The following RASL11B variants were observed in gnomAD, a reference collection of about 807,000 sequenced individuals.
RASL11B encodes the protein ras-like protein family member 11B.
Under a neutral mutation model 22.9 loss-of-function variants are expected in RASL11B, and 14 were observed. That is an observed-to-expected ratio of 0.61 (90% CI 0.40 to 0.96). The LOEUF is 0.96. RASL11B is among the 40% of genes least tolerant of loss of function. The pLI, the probability that RASL11B is intolerant of heterozygous loss-of-function variation, is 0.00. For missense variants in RASL11B, 261 were observed against 322.0 expected, an observed-to-expected ratio of 0.81 and a Z score of 1.45; for synonymous variants, 143 against 130.2, an observed-to-expected ratio of 1.10 and a Z score of -0.67.
In RASL11B at chr4:52,865,830, T is replaced by G; in HGVS notation, c.*25T>G. ...AAGCAGGAGGAGCACTCAAGGGGGT[T>G]TGGTCTTCCCAGGAAGAGGGCCTGA... is the stretch of plus-strand genomic sequence containing the variant. On this transcript the variant is annotated 3_prime_UTR_variant, in exon 4 of 4. Coordinates refer to ENST00000248706, the MANE Select transcript of RASL11B (RefSeq NM_023940.3). The G allele has an allele frequency of 2.3e-4, 365 of 1,568,422 alleles. No homozygotes were observed. Among genetic ancestry groups the G allele is most frequent in the Non-Finnish European group, 2.8e-4 (325 of 1,142,154 alleles).
rs774450025 is a variant in RASL11B at position 52,862,340 on chromosome 4, C to T, written c.-168C>T. On this transcript the variant is annotated 5_prime_UTR_variant, in exon 1 of 4. Coordinates refer to ENST00000248706, the MANE Select transcript of RASL11B (RefSeq NM_023940.3). Reference sequence around the variant, plus strand: ...GCAGTCTGGGTCTGGAGCCTGAGCCCTGCGGAACCTCGGCGCTCGGCCCCA... The same window carrying T: ...GCAGTCTGGGTCTGGAGCCTGAGCCTTGCGGAACCTCGGCGCTCGGCCCCA... The T allele has an allele frequency of 9.7e-5, 65 of 673,266 alleles. No individual in the cohort carries two copies. The highest frequency in any genetic ancestry group is 2.4e-4 in the East Asian group (7 of 29,144). 41.7% of individuals were successfully genotyped at this position (673,266 alleles called of 1,614,324 possible).
intron 2 of RASL11B, 77 bp from the exon 3 acceptor site, chr4:52,864,401 T>C: frequency 1.1e-6 from 1 of 923,454 alleles, no homozygotes; most frequent in Non-Finnish European, 1.8e-6. Flanking sequence ...GTGCATTTTT[T>C]TTCTAGCTTA....
chr4:52,864,223 A>C, intron 2 of RASL11B: 1 of 371,942 alleles, frequency 2.7e-6, no homozygotes, highest in South Asian at 4.5e-5. Context: ...CTAAAAATGG[A>C]AACTTTGTTT....
chr4:52,862,708 G>A, intron 1 of RASL11B, 59 bp downstream of exon 1: 1 of 1,473,854 alleles, frequency 6.8e-7, no homozygotes, highest in Non-Finnish European at 8.9e-7. Context: ...GGGAGTTGAG[G>A]CTGAACAAGG....
rs752317032 is a variant in RASL11B, at chr4:52,862,557, G to A, written c.50G>A (p.Gly17Asp). Reference sequence around the variant, plus strand: ...ACCATCGCCGAGTACCCCGCGCCGGGCAACGCCGCGGCCTCCGACTGCTGT... The same window carrying A: ...ACCATCGCCGAGTACCCCGCGCCGGACAACGCCGCGGCCTCCGACTGCTGT... ...MCTIAEYPAP[G>D]NAAASDCCVG... Residue 17 changes from glycine (G) to aspartate (D), a missense_variant, in exon 1 of 4, where the codon GGC becomes GAC. Transcript: ENST00000248706. 9 of 1,605,188 alleles carry A rather than the reference G, an allele frequency of 5.6e-6. No homozygotes were observed. The highest frequency in any genetic ancestry group is 7.6e-6 in the Non-Finnish European group (9 of 1,177,320).
At position 52,865,984 on chromosome 4, in the gene RASL11B, A is replaced by G. The variant is rs556863294; in HGVS notation, c.*179A>G. On this transcript the variant is annotated 3_prime_UTR_variant, in exon 4 of 4. Coordinates refer to ENST00000248706, the MANE Select transcript of RASL11B (RefSeq NM_023940.3). Reference sequence around the variant, plus strand: ...GAAGTGTTGTTCTGAGCAGGGGGACAGGATTGATGAGGCTTGAAAGAGCCC... The same window carrying G: ...GAAGTGTTGTTCTGAGCAGGGGGACGGGATTGATGAGGCTTGAAAGAGCCC... 5 of 602,420 alleles carry G rather than the reference A, an allele frequency of 8.3e-6. No individual in the cohort carries two copies. The highest frequency in any genetic ancestry group is 1.9e-5 in the African/African-American group (1 of 53,908). 37.3% of individuals were successfully genotyped at this position (602,420 alleles called of 1,614,324 possible).
chr4:52,862,653 AGTC>A lies in RASL11B; in HGVS notation c.142+9_142+11del. 1 of 1,563,312 alleles carries A rather than the reference AGTC, an allele frequency of 6.4e-7. No homozygotes were observed. On this transcript the variant is annotated splice_donor_5th_base_variant and intron_variant, in intron 1 of 3. Transcript: ENST00000248706. The stretch of plus-strand genomic sequence containing the variant: ...GCCAGCGGCGTGGGCAAGACCGGTG[AGTC>A]GTCGCGCTTAGCCCTGGGTCTGGTC...
chr4:52,863,582 C>T, intron 2 of RASL11B: 1 of 482,110 alleles, frequency 2.1e-6, no homozygotes, highest in Non-Finnish European at 3.8e-6. Context: ...ACTATAGTGA[C>T]CCCAGTTGGA....
rs1718225564 is a variant in RASL11B, at chr4:52,864,665, AT to A, written c.276+112del. 4 of 768,496 alleles carry A rather than the reference AT, an allele frequency of 5.2e-6. No individual in the cohort carries two copies. The East Asian group carries it at 9.8e-5, about 19-fold the overall frequency. 47.6% of individuals were successfully genotyped at this position (768,496 alleles called of 1,614,324 possible). On this transcript the variant is annotated intron_variant, in intron 3 of 3. Coordinates refer to ENST00000248706, the MANE Select transcript of RASL11B (RefSeq NM_023940.3). Reference sequence around the variant, plus strand: ...GGATCAGAGAAATTTGGGGAGTCACATCTAGACTTTTACATGTCTGACAATT... The same window carrying A: ...GGATCAGAGAAATTTGGGGAGTCACACTAGACTTTTACATGTCTGACAATT...
chr4:52,865,383 C>CA lies in RASL11B; in HGVS notation c.325_326insA (p.Arg109GlnfsTer14), dbSNP rs776016693. 7.4e-6 allele frequency: 12 copies of CA among 1,613,992 alleles called. No individual in the cohort carries two copies. The highest frequency in any genetic ancestry group is 1.0e-5 in the Non-Finnish European group (12 of 1,180,000). On this transcript the variant is annotated frameshift_variant, in exon 4 of 4. Transcript: ENST00000248706. LOFTEE classifies it high-confidence loss of function. ...CAGTGAACAGCTGAATAGGTGCATT[C>CA]GCTGGGCAGATGCTGTGGTGATCGT...
At chr4:52,864,457 C>A in intron 2 of RASL11B, 21 bp from the exon 3 acceptor site, 3 of 1,457,794 alleles carry the variant, frequency 2.1e-6, no homozygotes, top group Non-Finnish European at 2.9e-6. Context: ...AGAACATAAT[C>A]TCTTTTATTT....
At position 52,862,342 on chromosome 4, in the gene RASL11B, G is replaced by T. The variant is rs1718170142; in HGVS notation, c.-166G>T. On this transcript the variant is annotated 5_prime_UTR_variant, in exon 1 of 4. Coordinates refer to ENST00000248706, the MANE Select transcript of RASL11B (RefSeq NM_023940.3). ...AGTCTGGGTCTGGAGCCTGAGCCCT[G>T]CGGAACCTCGGCGCTCGGCCCCACC... is the stretch of plus-strand genomic sequence containing the variant. 2 of 682,726 alleles carry T rather than the reference G, an allele frequency of 2.9e-6. No homozygotes were observed. Among genetic ancestry groups the T allele is most frequent in the Non-Finnish European group, 4.5e-6 (2 of 441,636 alleles). 42.3% of individuals were successfully genotyped at this position (682,726 alleles called of 1,614,324 possible). A position where few individuals can be genotyped will look rare whatever the true frequency, so the allele number is the denominator to read the frequency against.
chr4:52,863,097 G>GCC (rs1396364628), intron 1 of RASL11B, among the ~76,000 whole-genome samples, 171 bp from the exon 2 acceptor site: 1 of 152,142 alleles, frequency 6.6e-6, no homozygotes, highest in East Asian at 1.9e-4. Context: ...ATGCCTTCTA[G>GCC]CCCCCTCCTT....
chr4:52,865,269 C>A, intron 3 of RASL11B, 66 bp from the exon 4 acceptor site: 1 of 1,370,972 alleles, frequency 7.3e-7, no homozygotes, highest in South Asian at 1.4e-5. Flanking sequence ...AATTTGAAAT[C>A]TACCCAAGCC....
chr4:52,866,413 A>C lies in RASL11B; in HGVS notation c.*608A>C, dbSNP rs1004718473. 2.6e-5 allele frequency: 4 copies of C among 153,472 alleles called. No homozygotes were observed. The highest frequency in any genetic ancestry group is 9.7e-5 in the African/African-American group (4 of 41,446). 9.5% of individuals were successfully genotyped at this position (153,472 alleles called of 1,614,324 possible). On this transcript the variant is annotated 3_prime_UTR_variant, in exon 4 of 4. Transcript: ENST00000248706. Reference sequence around the variant, plus strand: ...AAAACAGGTTGAGTTTATGGGCCAGAATATTTTGTATACCAGACATTGGTA... The same window carrying C: ...AAAACAGGTTGAGTTTATGGGCCAGCATATTTTGTATACCAGACATTGGTA...
chr4:52,866,369 GA>G lies in RASL11B; in HGVS notation c.*568del, dbSNP rs1288514047. 1 of 153,436 alleles carries G rather than the reference GA, an allele frequency of 6.5e-6. No homozygotes were observed. Among genetic ancestry groups the G allele is most frequent in the African/African-American group, 2.4e-5 (1 of 41,374 alleles). 9.5% of individuals were successfully genotyped at this position (153,436 alleles called of 1,614,324 possible). The stretch of plus-strand genomic sequence containing the variant: ...GATTTCTTTCTTTATGTACAAGATG[GA>G]AAATCCCCTACCCCTCAAAAACAGG... On this transcript the variant is annotated 3_prime_UTR_variant, in exon 4 of 4. Transcript: ENST00000248706.
Position 52,862,318 on chromosome 4 carries a change from G to C in RASL11B, c.-190G>C, listed in dbSNP as rs764172146. On this transcript the variant is annotated 5_prime_UTR_variant, in exon 1 of 4. Coordinates refer to ENST00000248706, the MANE Select transcript of RASL11B (RefSeq NM_023940.3). ...ACAGCCGGCGCGCCGCGCGAGTGCAGTCTGGGTCTGGAGCCTGAGCCCTGC... is the reference window on the plus strand; with the variant it reads ...ACAGCCGGCGCGCCGCGCGAGTGCACTCTGGGTCTGGAGCCTGAGCCCTGC... The C allele has an allele frequency of 1.9e-5, 10 of 527,732 alleles. No individual in the cohort carries two copies. Among genetic ancestry groups the C allele is most frequent in the Non-Finnish European group, 2.8e-5 (9 of 318,920 alleles). 32.7% of individuals were successfully genotyped at this position (527,732 alleles called of 1,614,324 possible).
chr4:52,862,556 G>C lies in RASL11B; in HGVS notation c.49G>C (p.Gly17Arg), dbSNP rs1463574168. 1.9e-6 allele frequency: 3 copies of C among 1,605,484 alleles called. No homozygotes were observed. Among genetic ancestry groups the C allele is most frequent in the Admixed American group, 3.4e-5 (2 of 59,690 alleles). The change falls in exon 1 of 4, where the codon GGC becomes CGC. Residue 17 changes from glycine (G) to arginine (R), a missense_variant. Coordinates refer to ENST00000248706, the MANE Select transcript of RASL11B (RefSeq NM_023940.3). The stretch of plus-strand genomic sequence containing the variant: ...CACCATCGCCGAGTACCCCGCGCCG[G>C]GCAACGCCGCGGCCTCCGACTGCTG... ...MCTIAEYPAP[G>R]NAAASDCCVG... is the part of the protein sequence containing the mutation.
chr4:52,866,068 A>AG lies in RASL11B; in HGVS notation c.*268dup, dbSNP rs533831512. 4.1e-6 allele frequency: 2 copies of AG among 493,826 alleles called. No individual in the cohort carries two copies. Among genetic ancestry groups the AG allele is most frequent in the Non-Finnish European group, 3.6e-6 (1 of 276,438 alleles). 30.6% of individuals were successfully genotyped at this position (493,826 alleles called of 1,614,324 possible). The stretch of plus-strand genomic sequence containing the variant: ...CTGTGTCTTTTCCTTTAGAGTGGGG[A>AG]GGGGGCATAATCGTTTCGGTTTCTG... On this transcript the variant is annotated 3_prime_UTR_variant, in exon 4 of 4. Coordinates refer to ENST00000248706, the MANE Select transcript of RASL11B (RefSeq NM_023940.3).
Sources: allele counts gnomAD v4.1 joint callset (sites outside exome capture counted in the v4.1 genomes callset), GRCh38; gene constraint gnomAD v4.1.1; transcripts MANE v1.5; gene names NCBI Gene and HGNC (gene_info 2026-07-23, HGNC 2026-07-21).